RPS6KA2: variants seen among roughly 807,000 people sequenced by gnomAD.
RPS6KA2 encodes ribosomal protein S6 kinase A2.
A neutral mutation model predicts 91.8 loss-of-function variants in RPS6KA2; 42 were observed. The ratio of observed to expected loss-of-function variants is 0.46; its 90% CI spans 0.36 to 0.59. The LOEUF (loss-of-function observed/expected upper bound fraction) is 0.59. RPS6KA2 is among the 20% of genes least tolerant of loss of function. RPS6KA2 has a pLI of 0.00. For missense variants in RPS6KA2, 798 were observed against 978.5 expected (o/e 0.82, Z 2.46); for synonymous variants, 414 against 393.6 (o/e 1.05, Z -0.61).
chr6:166,667,907 G>A (rs1413699800), intron 2 of RPS6KA2, among the ~76,000 whole-genome samples: 1 of 152,196 alleles, frequency 6.6e-6, no homozygotes, highest in Non-Finnish European at 1.5e-5. Flanking sequence ...AGTGTACAAA[G>A]AAAAGAGGGA....
At chr6:166,736,597 T>C (rs1006172656) in intron 2 of RPS6KA2, among the ~76,000 whole-genome samples, 5 of 152,210 alleles carry the variant, frequency 3.3e-5, no homozygotes, top group Non-Finnish European at 7.3e-5. Context: ...TCCATTTTTT[T>C]TCCTGGCAAC....
chr6:166,775,750 G>A (rs1778599633), intron 2 of RPS6KA2, among the ~76,000 whole-genome samples: 10 of 152,230 alleles, frequency 6.6e-5, no homozygotes, highest in Admixed American at 6.5e-4. Context: ...GATAAAGCGC[G>A]GTGGAAACAC....
chr6:166,770,811 AT>A lies in RPS6KA2; in HGVS notation c.123+87388del. 1 of 1,498,634 alleles carries A rather than the reference AT, an allele frequency of 6.7e-7. No individual in the cohort carries two copies. 92.8% of individuals were successfully genotyped at this position (1,498,634 alleles called of 1,614,324 possible). Reference sequence around the variant, plus strand: ...ACTTCATGTTTAACTTAAAAAAAAAATGTAACTCACATAAGCATGGAAAAAA... The same window carrying A: ...ACTTCATGTTTAACTTAAAAAAAAAAGTAACTCACATAAGCATGGAAAAAA... On this transcript the variant is annotated intron_variant, in intron 2 of 21. Transcript: ENST00000503859. The surrounding 1 kb of genome is among the most constrained non-coding windows in gnomAD (Gnocchi z 5.1).
At chr6:166,505,974 T>A (rs1163616669) in intron 5 of RPS6KA2, among the ~76,000 whole-genome samples, 1 of 152,172 alleles carries the variant, frequency 6.6e-6, no homozygotes, top group Non-Finnish European at 1.5e-5. Context: ...CCCTAGCTCT[T>A]AGTGTAACCC....
chr6:166,698,787 G>A (rs1035915517), intron 2 of RPS6KA2, among the ~76,000 whole-genome samples: 1 of 152,224 alleles, frequency 6.6e-6, no homozygotes, highest in African/African-American at 2.4e-5. Context: ...TGATAGGACA[G>A]GCATCTGCAC....
intron 1 of RPS6KA2, among the ~76,000 whole-genome samples, chr6:166,600,212 T>C (rs1785685218): frequency 6.6e-6 from 1 of 152,212 alleles, no homozygotes; most frequent in East Asian, 1.9e-4. Flanking sequence ...GGTCTCACTA[T>C]GTTTCCCAGA....
chr6:166,425,820 C>T (rs1249955255), intron 16 of RPS6KA2, among the ~76,000 whole-genome samples: 2 of 152,156 alleles, frequency 1.3e-5, no homozygotes, highest in African/African-American at 4.8e-5. Flanking sequence ...GAATCACCTA[C>T]AAAGAGACTT....
Position 166,704,153 on chromosome 6 carries a change from T to C in RPS6KA2, c.123+154047A>G, listed in dbSNP as rs143929673. 7.9e-4 allele frequency among the ~76,000 whole-genome samples: 121 copies of C among 152,258 alleles called. No individual in the cohort carries two copies. In the East Asian group the frequency reaches 0.019, roughly 23 times the overall value. ...CCAAATTAGGACAAGTTCAACAATA[T>C]CCTAAATCACAGTGATTTTAAATAC... On this transcript the variant is annotated intron_variant, in intron 2 of 21. Coordinates refer to the RPS6KA2 transcript ENST00000503859.
At chr6:166,468,726 G>C (rs767298718) in intron 11 of RPS6KA2, among the ~76,000 whole-genome samples, 1 of 151,922 alleles carries the variant, frequency 6.6e-6, no homozygotes, top group East Asian at 1.9e-4. Context: ...TTAGCCGGGC[G>C]TGGTGGGGGC....
At chr6:166,584,694 T>C (rs923525708) in intron 1 of RPS6KA2, among the ~76,000 whole-genome samples, 9 of 152,232 alleles carry the variant, frequency 5.9e-5, no homozygotes, top group Non-Finnish European at 8.8e-5. Flanking sequence ...TTTATAGTAA[T>C]TTTAACTGAA....
In RPS6KA2 at chr6:166,494,616, C is replaced by T. The variant is rs1781716301; in HGVS notation, c.748-3875G>A. Among the ~76,000 whole-genome samples, 1 of 152,234 alleles carries T rather than the reference C, an allele frequency of 6.6e-6. No individual in the cohort carries two copies. Among genetic ancestry groups the T allele is most frequent in the Admixed American group, 6.5e-5 (1 of 15,286 alleles). On this transcript the variant is annotated intron_variant, in intron 8 of 20. Transcript: ENST00000265678. The surrounding 1 kb of genome is among the most constrained non-coding windows in gnomAD (Gnocchi z 5.1). ...AGTGCTGGAAATTCTACAAATGTCA[C>T]CACGCAGCCGGCCACCAGGTTTGCA...
chr6:166,416,056 T>TCGCCATCATCTTTAC (rs1778497669), intron 19 of RPS6KA2, among the ~76,000 whole-genome samples: 1 of 137,718 alleles, frequency 7.3e-6, no homozygotes, highest in African/African-American at 2.8e-5. Flanking sequence ...ACCATCATCC[T>TCGCCATCATCTTTAC]CACCATCTCC....
At chr6:166,750,989 T>G (rs1476343489) in intron 2 of RPS6KA2, among the ~76,000 whole-genome samples, 1 of 152,138 alleles carries the variant, frequency 6.6e-6, no homozygotes, top group Admixed American at 6.5e-5. Flanking sequence ...CTGCTGACAC[T>G]CTAGAAAGTG....
chr6:166,561,205 G>A (rs1784332694), intron 1 of RPS6KA2, among the ~76,000 whole-genome samples: 1 of 152,138 alleles, frequency 6.6e-6, no homozygotes, highest in Non-Finnish European at 1.5e-5. Context: ...GGAGACCCTG[G>A]AAGGCCAGCG....
At chr6:166,688,795 A>C (rs1789102857) in intron 2 of RPS6KA2, among the ~76,000 whole-genome samples, 1 of 152,238 alleles carries the variant, frequency 6.6e-6, no homozygotes, top group African/African-American at 2.4e-5. Flanking sequence ...CCACACCTTC[A>C]TGTCCACATG....
chr6:166,659,771 C>T (rs541962056), intron 2 of RPS6KA2, among the ~76,000 whole-genome samples: 3 of 152,316 alleles, frequency 2.0e-5, no homozygotes, highest in Non-Finnish European at 2.9e-5. Context: ...GCCCTGCCGC[C>T]GTACAGCTCT....
chr6:166,540,997 C>T (rs1583259257), intron 1 of RPS6KA2, among the ~76,000 whole-genome samples: 1 of 152,194 alleles, frequency 6.6e-6, no homozygotes, highest in East Asian at 1.9e-4. Flanking sequence ...CAACAAAATA[C>T]TCCTCTTCTG....
chr6:166,767,774 AACACACACAC>A lies in RPS6KA2; in HGVS notation c.123+90416_123+90425del, dbSNP rs71639661. On this transcript the variant is annotated intron_variant, in intron 2 of 21. Transcript: ENST00000503859. This position sits in a 1 kb window ranked among gnomAD's most constrained non-coding sequence, Gnocchi z 4.6. ...AAGAACTAAAGACAATACCTCCTCA[AACACACACAC>A]ACACACACACACACACACACACACA... Among the ~76,000 whole-genome samples the A allele has an allele frequency of 1.0e-3, 151 of 146,956 alleles. 1 individual carries two copies. The highest frequency in any genetic ancestry group is 2.9e-3 in the African/African-American group (114 of 39,892).
At chr6:166,566,482 T>A (rs1784509540) in intron 1 of RPS6KA2, among the ~76,000 whole-genome samples, 2 of 152,198 alleles carry the variant, frequency 1.3e-5, no homozygotes, top group South Asian at 4.1e-4. Flanking sequence ...CACCAGAGGT[T>A]CTGTCTCCAG....
Sources: gnomAD v4.1 joint callset for allele counts (sites outside exome capture counted in the v4.1 genomes callset) on GRCh38, gnomAD v4.1.1 for gene constraint, Gnocchi (gnomAD v3.1) non-coding constraint, MANE v1.5 for transcripts, NCBI Gene and HGNC (gene_info 2026-07-23, HGNC 2026-07-21) for gene names.